Variants in TMEM181 observed in about 807,000 individuals in gnomAD.
TMEM181 encodes the protein transmembrane protein 181.
In TMEM181, 39 loss-of-function variants were observed where a neutral mutation model predicts 71.9. The ratio of observed to expected loss-of-function variants is 0.54; its 90% CI spans 0.42 to 0.71. TMEM181 has a LOEUF of 0.71. Ranked by LOEUF, TMEM181 falls within the 30% of genes least tolerant of loss-of-function variation. The pLI is 0.00. For missense variants in TMEM181, 595 were observed against 583.0 expected, an observed-to-expected ratio of 1.02 and a Z score of -0.21; for synonymous variants, 245 against 228.8, an observed-to-expected ratio of 1.07 and a Z score of -0.64.
rs944710255 is a variant in TMEM181, at chr6:158,620,868, C to A, written c.897-2682C>A. Among the ~76,000 whole-genome samples the A allele has an allele frequency of 6.6e-6, 1 of 152,122 alleles. No individual in the cohort carries two copies. Among genetic ancestry groups the A allele is most frequent in the African/African-American group, 2.4e-5 (1 of 41,432 alleles). On this transcript the variant is annotated intron_variant, in intron 10 of 16. Coordinates refer to ENST00000684151, the MANE Select transcript of TMEM181 (RefSeq NM_001376852.1). This position sits in a 1 kb window ranked among gnomAD's most constrained non-coding sequence, Gnocchi z 4.5. Reference sequence around the variant, plus strand: ...GAGGAAAGAAACACGAAAAGCAGCTCAACAGTGAAAAATAGGTTTATTTTG... The same window carrying A: ...GAGGAAAGAAACACGAAAAGCAGCTAAACAGTGAAAAATAGGTTTATTTTG...
intron 1 of TMEM181, among the ~76,000 whole-genome samples, chr6:158,561,329 T>C (rs576759897): frequency 6.6e-6 from 1 of 152,338 alleles, no homozygotes; most frequent in African/African-American, 2.4e-5. Flanking sequence ...GCATCAAATA[T>C]CAGACCTATG....
intron 6 of TMEM181, among the ~76,000 whole-genome samples, chr6:158,592,867 G>A (rs966814557): frequency 2.6e-5 from 4 of 152,036 alleles, no homozygotes; most frequent in African/African-American, 9.7e-5. Flanking sequence ...GCAATGAGCT[G>A]TAATCACACC....
intron 1 of TMEM181, among the ~76,000 whole-genome samples, chr6:158,563,025 A>G (rs758437258): frequency 6.6e-6 from 1 of 152,184 alleles, no homozygotes; most frequent in Non-Finnish European, 1.5e-5. Context: ...GCTCCTCTCA[A>G]TAACAGCTGA....
intron 1 of TMEM181, among the ~76,000 whole-genome samples, chr6:158,541,372 A>G (rs180992270): frequency 3.4e-4 from 52 of 152,276 alleles, no homozygotes; most frequent in African/African-American, 1.2e-3. Context: ...AGTTGAGATC[A>G]TGCCATTGCA....
At chr6:158,538,775 T>C (rs1488652758) in intron 1 of TMEM181, among the ~76,000 whole-genome samples, 2 of 152,142 alleles carry the variant, frequency 1.3e-5, no homozygotes, top group Non-Finnish European at 2.9e-5. Context: ...AGGCTCATCT[T>C]GAAAGTGACA....
intron 1 of TMEM181, among the ~76,000 whole-genome samples, chr6:158,568,940 A>G (rs1180162498): frequency 6.6e-6 from 1 of 152,116 alleles, no homozygotes; most frequent in African/African-American, 2.4e-5. Flanking sequence ...CTTGTTTCTG[A>G]GGTTTCTGAA....
chr6:158,561,557 T>C (rs1017066638), intron 1 of TMEM181, among the ~76,000 whole-genome samples: 4 of 152,148 alleles, frequency 2.6e-5, no homozygotes, highest in African/African-American at 9.7e-5. Flanking sequence ...CTGGGTGTGC[T>C]TTTTCAGTAG....
intron 2 of TMEM181, among the ~76,000 whole-genome samples, chr6:158,576,509 C>T (rs536392618): frequency 2.6e-5 from 4 of 152,022 alleles, no homozygotes; most frequent in South Asian, 4.2e-4. Context: ...TTTCCTTTCT[C>T]GGGAGTCAGA....
At chr6:158,572,154 CT>C (rs1335281045) in intron 1 of TMEM181, among the ~76,000 whole-genome samples, 1 of 152,250 alleles carries the variant, frequency 6.6e-6, no homozygotes, top group African/African-American at 2.4e-5. Flanking sequence ...GAGGTGTTGA[CT>C]CACGGCCTCA....
At chr6:158,609,689 G>A in intron 10 of TMEM181, 1 of 244,522 alleles carries the variant, frequency 4.1e-6, no homozygotes. Context: ...GACTCCCAAT[G>A]ACTGTGCCCT....
chr6:158,581,281 G>A (rs1038088986), intron 3 of TMEM181, among the ~76,000 whole-genome samples: 3 of 152,172 alleles, frequency 2.0e-5, no homozygotes, highest in African/African-American at 4.8e-5. Context: ...CTGATTCCTT[G>A]CCTCTGTAAG....
chr6:158,593,984 T>C (rs1784252282), intron 6 of TMEM181, among the ~76,000 whole-genome samples: 1 of 152,142 alleles, frequency 6.6e-6, no homozygotes, highest in African/African-American at 2.4e-5. Flanking sequence ...CTATTTGTAG[T>C]ACCGTAGAGT....
At chr6:158,546,045 G>A (rs1309333586) in intron 1 of TMEM181, among the ~76,000 whole-genome samples, 2 of 152,120 alleles carry the variant, frequency 1.3e-5, no homozygotes, top group Non-Finnish European at 2.9e-5. Flanking sequence ...TGGCATGACC[G>A]GGGCAGTGTT....
In TMEM181 at chr6:158,607,355, C is replaced by G. The variant is rs770081502; in HGVS notation, c.673+12C>G. The G allele has an allele frequency of 2.7e-5, 43 of 1,611,502 alleles. No individual in the cohort carries two copies. The highest frequency in any genetic ancestry group is 3.7e-5 in the Non-Finnish European group (43 of 1,177,758). On this transcript the variant is annotated intron_variant, in intron 8 of 16. Transcript: ENST00000684151. ...GCTACTTTACAATGGTGGGTAGTTC[C>G]ATTTTTACTTAGGAACTTTTCCCTT... is the stretch of plus-strand genomic sequence containing the variant.
chr6:158,542,230 C>A (rs893690234), intron 1 of TMEM181, among the ~76,000 whole-genome samples: 1 of 152,090 alleles, frequency 6.6e-6, no homozygotes, highest in Admixed American at 6.6e-5. Context: ...AATCACACAG[C>A]CAGAGGCTAA....
chr6:158,630,350 G>T (rs1357765870), intron 15 of TMEM181, among the ~76,000 whole-genome samples: 1 of 151,930 alleles, frequency 6.6e-6, no homozygotes, highest in Non-Finnish European at 1.5e-5. Context: ...TTAAAAATTA[G>T]ACAGGTGTGG....
At chr6:158,558,216 G>C (rs1781976786), upstream of TMEM181, among the ~76,000 whole-genome samples, 1 of 152,238 alleles carries the variant, frequency 6.6e-6, no homozygotes, top group African/African-American at 2.4e-5. Context: ...AGCTGGCACA[G>C]AGCAGGGATT....
In TMEM181 at chr6:158,632,244, AG is replaced by A; in HGVS notation, c.*357del. 1 of 254,064 alleles carries A rather than the reference AG, an allele frequency of 3.9e-6. No individual in the cohort carries two copies. Among genetic ancestry groups the A allele is most frequent in the Non-Finnish European group, 7.9e-6 (1 of 126,924 alleles). The allele number at this position is 254,064 out of a possible 1,614,324, so 15.7% of individuals were successfully genotyped here. A position where few individuals can be genotyped will look rare whatever the true frequency, so the allele number is the denominator to read the frequency against. On this transcript the variant is annotated 3_prime_UTR_variant, in exon 17 of 17. Coordinates refer to ENST00000684151, the MANE Select transcript of TMEM181 (RefSeq NM_001376852.1). ...ATTCACTGATTCCAAGTTCACGGGC[AG>A]CCTGTGACTAGGTCCTCAGCGTGAC...
At chr6:158,562,850 G>A (rs532268688) in intron 1 of TMEM181, among the ~76,000 whole-genome samples, 1 of 152,298 alleles carries the variant, frequency 6.6e-6, no homozygotes, top group African/African-American at 2.4e-5. Flanking sequence ...ATTGTTTCGT[G>A]GAATCCTCAC....
Sources: allele counts gnomAD v4.1 joint callset (sites outside exome capture counted in the v4.1 genomes callset), GRCh38; gene constraint gnomAD v4.1.1; non-coding constraint Gnocchi (gnomAD v3.1); transcripts MANE v1.5; gene names NCBI Gene and HGNC (gene_info 2026-07-23, HGNC 2026-07-21).